The following CACNB4 variants were observed in gnomAD, a reference collection of about 807,000 sequenced individuals.
CACNB4 encodes the protein voltage-dependent L-type calcium channel subunit beta-4.
CACNB4 carries 32 observed loss-of-function variants against 71.2 expected under a neutral mutation model. That is an observed-to-expected ratio of 0.45 (90% CI 0.34 to 0.60). CACNB4 has a LOEUF of 0.60. Ranked by LOEUF, CACNB4 falls within the 20% of genes least tolerant of loss-of-function variation. The pLI is 0.01. For missense variants in CACNB4, 464 were observed against 647.9 expected (o/e 0.72, Z 3.08); for synonymous variants, 231 against 236.9 (o/e 0.97, Z 0.23).
chr2:152,013,495 T>C (rs1683173148), intron 2 of CACNB4, among the ~76,000 whole-genome samples: 1 of 152,028 alleles, frequency 6.6e-6, no homozygotes, highest in African/African-American at 2.4e-5. Flanking sequence ...AGAGGTGCCT[T>C]TAGACCTGCT....
At chr2:151,903,746 A>C (rs1398083987) in intron 2 of CACNB4, among the ~76,000 whole-genome samples, 1 of 152,138 alleles carries the variant, frequency 6.6e-6, no homozygotes, top group Non-Finnish European at 1.5e-5. Context: ...GTAGGTACAT[A>C]CTCTGAAAGC....
chr2:152,043,474 AC>A (rs1374850113), intron 2 of CACNB4, among the ~76,000 whole-genome samples: 1 of 152,080 alleles, frequency 6.6e-6, no homozygotes, highest in Non-Finnish European at 1.5e-5. Flanking sequence ...GGCACACACC[AC>A]CATACCTGCA....
At chr2:152,029,021 A>G (rs1373293945) in intron 2 of CACNB4, among the ~76,000 whole-genome samples, 1 of 152,242 alleles carries the variant, frequency 6.6e-6, no homozygotes, top group Non-Finnish European at 1.5e-5. Context: ...TGTTGGTGAC[A>G]TGGAAACAAA....
intron 2 of CACNB4, among the ~76,000 whole-genome samples, chr2:152,067,389 G>T (rs1380025733): frequency 1.5e-5 from 2 of 131,752 alleles, no homozygotes; most frequent in South Asian, 2.4e-4. Context: ...GTGTGTGTGT[G>T]GGGGGGGGGG....
chr2:152,051,105 G>GA (rs1164748122), intron 2 of CACNB4, among the ~76,000 whole-genome samples: 1 of 151,872 alleles, frequency 6.6e-6, no homozygotes, highest in African/African-American at 2.4e-5. Context: ...ACCAACCACA[G>GA]AAAAAAACCC....
At chr2:151,974,269 T>C (rs552794580) in intron 2 of CACNB4, among the ~76,000 whole-genome samples, 4 of 152,212 alleles carry the variant, frequency 2.6e-5, no homozygotes, top group Non-Finnish European at 5.9e-5. Flanking sequence ...GAGAATATCA[T>C]GTAAAGACAG....
intron 2 of CACNB4, among the ~76,000 whole-genome samples, chr2:152,004,117 G>C (rs1032613208): frequency 2.0e-5 from 3 of 152,170 alleles, no homozygotes; most frequent in African/African-American, 7.2e-5. Flanking sequence ...ACCGTGCCTG[G>C]TTGATTTGCT....
chr2:151,944,446 T>C (rs552596158), intron 2 of CACNB4, among the ~76,000 whole-genome samples: 88 of 152,232 alleles, frequency 5.8e-4, no homozygotes, highest in African/African-American at 2.0e-3. Context: ...TTGGGTCTGA[T>C]CTGGAAGAAA....
intron 2 of CACNB4, among the ~76,000 whole-genome samples, chr2:151,891,820 C>T (rs373378724): frequency 6.6e-6 from 1 of 152,106 alleles, no homozygotes; most frequent in African/African-American, 2.4e-5. Context: ...CCTCCAGCAA[C>T]CAAGCTTTAC....
chr2:151,983,693 A>ACACACACG (rs1168671427), intron 2 of CACNB4, among the ~76,000 whole-genome samples: 4 of 151,980 alleles, frequency 2.6e-5, no homozygotes, highest in Non-Finnish European at 5.9e-5. Flanking sequence ...ACACACACAC[A>ACACACACG]CACACACACA....
intron 2 of CACNB4, among the ~76,000 whole-genome samples, chr2:152,052,920 T>G (rs1461950192): frequency 2.0e-5 from 3 of 151,788 alleles, no homozygotes; most frequent in Non-Finnish European, 4.4e-5. Context: ...AGATGGAGGT[T>G]GCAGTGAGCC....
chr2:151,853,420 G>A (rs2099839540), intron 12 of CACNB4, 28 bp downstream of exon 12: 5 of 1,395,376 alleles, frequency 3.6e-6, no homozygotes, highest in African/African-American at 1.4e-5. Flanking sequence ...AGTCAAGAAT[G>A]ATGAAGACAA....
At chr2:152,069,742 C>T (rs1686563323) in intron 2 of CACNB4, among the ~76,000 whole-genome samples, 1 of 151,752 alleles carries the variant, frequency 6.6e-6, no homozygotes, top group Non-Finnish European at 1.5e-5. Context: ...GGGCCAGGCA[C>T]TCCAGGTCTG....
intron 2 of CACNB4, among the ~76,000 whole-genome samples, chr2:151,948,013 C>T (rs988518658): frequency 6.6e-6 from 1 of 152,242 alleles, no homozygotes; most frequent in Non-Finnish European, 1.5e-5. Context: ...ACTCACTTGG[C>T]GGCTTTCTTG....
At chr2:151,923,835 T>C (rs1490747492) in intron 2 of CACNB4, among the ~76,000 whole-genome samples, 1 of 152,094 alleles carries the variant, frequency 6.6e-6, no homozygotes, top group Non-Finnish European at 1.5e-5. Flanking sequence ...GACTGGGAAA[T>C]TGTTTCCTGA....
intron 2 of CACNB4, among the ~76,000 whole-genome samples, chr2:152,037,243 CA>C (rs1684642945): frequency 6.6e-6 from 1 of 152,162 alleles, no homozygotes. Context: ...AACAAGTACT[CA>C]AAGGTGGATA....
intron 2 of CACNB4, among the ~76,000 whole-genome samples, chr2:151,943,124 G>C (rs926140498): frequency 6.6e-6 from 1 of 152,108 alleles, no homozygotes; most frequent in Non-Finnish European, 1.5e-5. Flanking sequence ...AAACTTGCTG[G>C]TTTGAGGCTT....
chr2:151,923,854 A>G (rs2099859556), intron 2 of CACNB4, among the ~76,000 whole-genome samples: 2 of 152,114 alleles, frequency 1.3e-5, no homozygotes, highest in South Asian at 4.1e-4. Context: ...GATTTCATGG[A>G]CCCAACACTA....
chr2:152,081,200 C>T (rs1191882931), intron 2 of CACNB4, among the ~76,000 whole-genome samples: 2 of 152,198 alleles, frequency 1.3e-5, no homozygotes, highest in African/African-American at 2.4e-5. Context: ...GGAGCATGTG[C>T]TACTGACTAG....
Sources: allele counts gnomAD v4.1 joint callset (sites outside exome capture counted in the v4.1 genomes callset), GRCh38; gene constraint gnomAD v4.1.1; transcripts MANE v1.5; gene names NCBI Gene and HGNC (gene_info 2026-07-23, HGNC 2026-07-21).